Variants in ASTN2 observed in about 807,000 individuals in gnomAD.
ASTN2 encodes the protein astrotactin 2, also known as astrotactin-2.
Under a neutral mutation model 139.8 loss-of-function variants are expected in ASTN2, and 54 were observed. The ratio of observed to expected loss-of-function variants is 0.39; its 90% CI spans 0.31 to 0.48. The LOEUF is 0.48. Ranked by LOEUF, ASTN2 falls within the 20% of genes least tolerant of loss-of-function variation. The pLI is 0.95. For synonymous variants in ASTN2, 756 were observed against 719.5 expected, an observed-to-expected ratio of 1.05 and a Z score of -0.81; for missense variants, 1,565 against 1,725.1, an observed-to-expected ratio of 0.91 and a Z score of 1.64.
intron 10 of ASTN2, among the ~76,000 whole-genome samples, chr9:116,959,238 T>C (rs960125420): frequency 6.6e-6 from 1 of 152,122 alleles, no homozygotes; most frequent in African/African-American, 2.4e-5. Flanking sequence ...CAAGCCCTAA[T>C]GGATGAGTAA....
chr9:116,807,215 T>A (rs902526959), intron 12 of ASTN2, among the ~76,000 whole-genome samples: 1 of 152,136 alleles, frequency 6.6e-6, no homozygotes, highest in Admixed American at 6.5e-5. Flanking sequence ...ACTCAGGAAC[T>A]CAGATGGGAG....
chr9:117,034,730 G>C (rs1175847898), intron 6 of ASTN2, among the ~76,000 whole-genome samples: 1 of 152,112 alleles, frequency 6.6e-6, no homozygotes, highest in Middle Eastern at 3.2e-3. Context: ...ACGATTTGTA[G>C]TTCACAGCTG....
At chr9:117,193,389 C>T (rs1831400108) in intron 3 of ASTN2, among the ~76,000 whole-genome samples, 1 of 152,062 alleles carries the variant, frequency 6.6e-6, no homozygotes, top group African/African-American at 2.4e-5. Context: ...CCTGTAATCC[C>T]AGCACTCTGG....
Position 116,505,311 on chromosome 9 carries a change from TGG to T in ASTN2, c.3356-17813_3356-17812del, listed in dbSNP as rs1850061225. ...AGTCTCTGCTCTGTGGAAACAATGT[TGG>T]TTCCCGCTCAGCTTTTCCCTGGTGC... On this transcript the variant is annotated intron_variant, in intron 19 of 22. Transcript: ENST00000313400. 2.0e-4 allele frequency among the ~76,000 whole-genome samples: 31 copies of T among 152,000 alleles called. 1 individual carries two copies. Among genetic ancestry groups the T allele is most frequent in the Admixed American group, 2.0e-3 (31 of 15,232 alleles).
At chr9:117,052,754 C>T (rs1056708190) in intron 5 of ASTN2, among the ~76,000 whole-genome samples, 1 of 152,182 alleles carries the variant, frequency 6.6e-6, no homozygotes, top group Non-Finnish European at 1.5e-5. Flanking sequence ...CTCATAGCAA[C>T]CTTTAGGTCT....
At chr9:116,915,385 C>T (rs1834414418) in intron 10 of ASTN2, among the ~76,000 whole-genome samples, 1 of 152,120 alleles carries the variant, frequency 6.6e-6, no homozygotes, top group Admixed American at 6.5e-5. Flanking sequence ...TTGGCCTCTG[C>T]CTCAAGTTCC....
intron 11 of ASTN2, among the ~76,000 whole-genome samples, chr9:116,848,827 A>T (rs1832513536): frequency 6.6e-6 from 1 of 152,108 alleles, no homozygotes; most frequent in Non-Finnish European, 1.5e-5. Context: ...AATTCAGTTC[A>T]ATTTTGACAC....
At chr9:116,749,772 C>G (rs1196416295) in intron 13 of ASTN2, among the ~76,000 whole-genome samples, 1 of 152,162 alleles carries the variant, frequency 6.6e-6, no homozygotes, top group Non-Finnish European at 1.5e-5. Flanking sequence ...CCGTTGGTGA[C>G]AAGTGAGTTC....
chr9:116,791,687 C>T (rs1421750553), intron 13 of ASTN2, among the ~76,000 whole-genome samples: 1 of 152,198 alleles, frequency 6.6e-6, no homozygotes, highest in Admixed American at 6.5e-5. Context: ...CATAGGTTCC[C>T]TAAGGACTTT....
rs368835007 is a variant in ASTN2 at position 117,214,635 on chromosome 9, T to G, written c.738A>C (p.Thr246=). The G allele has an allele frequency of 6.3e-7, 1 of 1,581,886 alleles. No individual in the cohort carries two copies. The highest frequency in any genetic ancestry group is 8.6e-7 in the Non-Finnish European group (1 of 1,156,914). The change falls in exon 3 of 23, where the codon ACA becomes ACC. Residue 246 remains threonine (T), a synonymous_variant. Coordinates refer to ENST00000313400, the MANE Select transcript of ASTN2 (RefSeq NM_001365068.1). ...TGTAGTGGATCTCATGAGTGGCTTC[T>G]GTGCTTGCGCTCTTCTGGGGGATGC... The part of the protein sequence containing the change: ...RRRIPQKSAS[T]EATHEIHYIP...
At chr9:116,489,223 T>C (rs7022359) in intron 19 of ASTN2, among the ~76,000 whole-genome samples, 59,154 of 152,126 alleles carry the variant, frequency 0.39, 12,063 homozygotes, top group South Asian at 0.57. Context: ...TCAGAGCAGC[T>C]TGGTGGTGCT....
At chr9:117,084,421 C>T (rs1828509130) in intron 5 of ASTN2, among the ~76,000 whole-genome samples, 1 of 152,180 alleles carries the variant, frequency 6.6e-6, no homozygotes, top group Admixed American at 6.5e-5. Flanking sequence ...ACAAAGTTCT[C>T]TTAGGGGACA....
intron 19 of ASTN2, among the ~76,000 whole-genome samples, chr9:116,531,142 T>A (rs1851324101): frequency 6.6e-6 from 1 of 152,178 alleles, no homozygotes; most frequent in African/African-American, 2.4e-5. Flanking sequence ...GTGTTCTCAT[T>A]TTCTCTTCCA....
At chr9:116,585,547 G>A (rs1052855736) in intron 19 of ASTN2, 8 of 152,160 alleles carry the variant, frequency 5.3e-5, no homozygotes, top group Non-Finnish European at 7.3e-5. Flanking sequence ...CTACAAAGTT[G>A]ACAAAAGTAA....
At chr9:116,942,223 G>C (rs1488923734) in intron 10 of ASTN2, among the ~76,000 whole-genome samples, 1 of 152,040 alleles carries the variant, frequency 6.6e-6, no homozygotes, top group African/African-American at 2.4e-5. Context: ...TCAGATCTCA[G>C]TGCTGATAAG....
chr9:116,762,992 G>C (rs911006804), intron 13 of ASTN2, among the ~76,000 whole-genome samples: 1 of 152,194 alleles, frequency 6.6e-6, no homozygotes. Context: ...TTCCCAAAGA[G>C]ATACAGAATA....
intron 3 of ASTN2, among the ~76,000 whole-genome samples, chr9:117,207,119 C>T (rs1216702804): frequency 6.6e-6 from 1 of 152,130 alleles, no homozygotes. Context: ...CATGAAACAG[C>T]CCTGCAGGCT....
At chr9:117,142,788 G>T (rs959359133) in intron 3 of ASTN2, among the ~76,000 whole-genome samples, 3 of 152,188 alleles carry the variant, frequency 2.0e-5, no homozygotes, top group Non-Finnish European at 4.4e-5. Flanking sequence ...TTGCTGAATA[G>T]CCTCAGTGCC....
intron 15 of ASTN2, among the ~76,000 whole-genome samples, chr9:116,726,925 A>C (rs979333446): frequency 7.9e-5 from 12 of 152,056 alleles, no homozygotes; most frequent in Admixed American, 2.6e-4. Context: ...ACTAAGTTTT[A>C]GCTCCAGCCA....
Sources: gnomAD v4.1 joint callset for allele counts (sites outside exome capture counted in the v4.1 genomes callset) on GRCh38, gnomAD v4.1.1 for gene constraint, MANE v1.5 for transcripts, NCBI Gene and HGNC (gene_info 2026-07-23, HGNC 2026-07-21) for gene names.